IREB2: variants seen among roughly 807,000 people sequenced by gnomAD.
The protein encoded by IREB2 is iron responsive element binding protein 2.
Under a neutral mutation model 118.8 loss-of-function variants are expected in IREB2, and 39 were observed. That is an observed-to-expected ratio of 0.33 (90% CI 0.25 to 0.43). The LOEUF is 0.43. Among genes scored for constraint, IREB2 ranks in the 20% least tolerant of loss-of-function variants. IREB2 has a pLI of 1.00. For missense variants in IREB2, 900 were observed against 1,147.3 expected (o/e 0.78, Z 3.11); for synonymous variants, 372 against 392.2 (o/e 0.95, Z 0.61).
At chr15:78,497,467 G>A (rs2051857437) in intron 21 of IREB2, 156 bp downstream of exon 21, 1 of 621,754 alleles carries the variant, frequency 1.6e-6, no homozygotes. Context: ...ATCTAGCTAT[G>A]TTAATAGTTC....
intron 5 of IREB2, among the ~76,000 whole-genome samples, chr15:78,468,708 AGT>A (rs1225064651): frequency 2.0e-4 from 31 of 152,190 alleles, no homozygotes; most frequent in Admixed American, 2.0e-3. Context: ...AATTCTGTCT[AGT>A]TCTAAAATAT....
chr15:78,494,327 G>T, intron 20 of IREB2, 63 bp downstream of exon 20: 1 of 1,491,198 alleles, frequency 6.7e-7, no homozygotes, highest in East Asian at 2.3e-5. Context: ...CCTTTTGTCA[G>T]TAACATCCTG....
chr15:78,487,338 T>C (rs1228110305), intron 13 of IREB2, among the ~76,000 whole-genome samples: 1 of 152,230 alleles, frequency 6.6e-6, no homozygotes, highest in Admixed American at 6.5e-5. Flanking sequence ...GGAATTCTCT[T>C]GTACAGTGAT....
chr15:78,472,471 A>G (rs536516843), intron 7 of IREB2, among the ~76,000 whole-genome samples: 4 of 152,094 alleles, frequency 2.6e-5, no homozygotes, highest in Admixed American at 6.5e-5. Context: ...GGTTCAAGCA[A>G]TTCTTGTGCC....
In IREB2 at chr15:78,439,895, A is replaced by T. The variant is rs746333754; in HGVS notation, c.106+14A>T. On this transcript the variant is annotated intron_variant, in intron 2 of 21. Transcript: ENST00000258886. ...GCACCAAGTATGGTAATGTTGCTTTACATTTTCTTGGGTTTGTTTAGTCTC... is the reference window on the plus strand; with the variant it reads ...GCACCAAGTATGGTAATGTTGCTTTTCATTTTCTTGGGTTTGTTTAGTCTC... 9.3e-6 allele frequency: 14 copies of T among 1,509,794 alleles called. No homozygotes were observed. The highest frequency in any genetic ancestry group is 1.8e-5 in the Admixed American group (1 of 56,816). The allele number at this position is 1,509,794 out of a possible 1,614,324, so 93.5% of individuals were successfully genotyped here. A position where few individuals can be genotyped will look rare whatever the true frequency, so the allele number is the denominator to read the frequency against.
rs921000533 is a variant in IREB2, at chr15:78,499,568, C to T, written c.*1425C>T. The stretch of plus-strand genomic sequence containing the variant: ...GACCACTAAGAACTTTGCACATAAT[C>T]ATACAATCTTTTGAAAATATTTTGC... On this transcript the variant is annotated 3_prime_UTR_variant, in exon 22 of 22. Transcript: ENST00000258886. The T allele has an allele frequency of 6.6e-6, 1 of 152,182 alleles. No individual in the cohort carries two copies. Among genetic ancestry groups the T allele is most frequent in the African/African-American group, 2.4e-5 (1 of 41,428 alleles). The allele number at this position is 152,182 out of a possible 1,614,324, so 9.4% of individuals were successfully genotyped here.
Position 78,483,301 on chromosome 15 carries a change from T to C in IREB2, c.1297-17T>C. 1 of 1,162,448 alleles carries C rather than the reference T, an allele frequency of 8.6e-7. No homozygotes were observed. Among genetic ancestry groups the C allele is most frequent in the Non-Finnish European group, 1.3e-6 (1 of 773,842 alleles). 72.0% of individuals were successfully genotyped at this position (1,162,448 alleles called of 1,614,324 possible). A position where few individuals can be genotyped will look rare whatever the true frequency, so the allele number is the denominator to read the frequency against. On this transcript the variant is annotated splice_polypyrimidine_tract_variant and intron_variant, in intron 10 of 21. Coordinates refer to ENST00000258886, the MANE Select transcript of IREB2 (RefSeq NM_004136.4). The stretch of plus-strand genomic sequence containing the variant: ...ATTAATTCTAATTCCTTGTTCTTTC[T>C]CTTTCTCATTTCTTAGGTGATCCAG...
In IREB2 at chr15:78,474,835, C is replaced by T. The variant is rs2051438154; in HGVS notation, c.1024-1353C>T. The T allele has an allele frequency of 2.7e-5, 4 of 150,056 alleles. No individual in the cohort carries two copies. The South Asian group carries it at 8.4e-4, about 32-fold the overall frequency. The allele number at this position is 150,056 out of a possible 1,614,324, so 9.3% of individuals were successfully genotyped here. ...CTTTGGGAGGCCGAGGCGGGTGGAT[C>T]ATGAGGTCAGGAGATCGAGACCATC... is the stretch of plus-strand genomic sequence containing the variant. On this transcript the variant is annotated intron_variant, in intron 8 of 21. Transcript: ENST00000258886.
At chr15:78,442,347 CA>C (rs1369949174) in intron 2 of IREB2, among the ~76,000 whole-genome samples, 1 of 152,158 alleles carries the variant, frequency 6.6e-6, no homozygotes, top group African/African-American at 2.4e-5. Context: ...AACCTTAGAA[CA>C]AAAAATCCTT....
In IREB2 at chr15:78,438,266, G is replaced by C. The variant is rs935548540; in HGVS notation, c.-72G>C. 3.0e-5 allele frequency: 37 copies of C among 1,220,146 alleles called. No homozygotes were observed. The highest frequency in any genetic ancestry group is 4.3e-5 in the Non-Finnish European group (36 of 843,236). 75.6% of individuals were successfully genotyped at this position (1,220,146 alleles called of 1,614,324 possible). On this transcript the variant is annotated 5_prime_UTR_variant, in exon 1 of 22. Transcript: ENST00000258886. ...TGCCAGTCCGCCTGTCTTCCTCCCC[G>C]TCTTCCCTGCCCGGCCTCCCCCTTC...
Position 78,462,980 on chromosome 15 carries a change from C to T in IREB2, c.165C>T (p.Gly55=). 1 of 1,613,376 alleles carries T rather than the reference C, an allele frequency of 6.2e-7. No homozygotes were observed. Among genetic ancestry groups the T allele is most frequent in the Non-Finnish European group, 8.5e-7 (1 of 1,179,698 alleles). The stretch of plus-strand genomic sequence containing the variant: ...AAGCTGCTGTACGAAATTGTGATGG[C>T]TTTTTAATGAAGAAGGAAGATGTTA... ...LLEAAVRNCD[G]FLMKKEDVMN... Residue 55 remains glycine (G), a synonymous_variant, in exon 3 of 22, where the codon GGC becomes GGT. Transcript: ENST00000258886.
intron 11 of IREB2, among the ~76,000 whole-genome samples, chr15:78,484,283 C>T (rs773879448): frequency 6.6e-6 from 1 of 152,038 alleles, no homozygotes; most frequent in Non-Finnish European, 1.5e-5. Context: ...TAAACTTGTA[C>T]AAAAACAAAA....
chr15:78,470,201 G>A (rs1026093762), intron 5 of IREB2, among the ~76,000 whole-genome samples: 2 of 152,188 alleles, frequency 1.3e-5, no homozygotes, highest in African/African-American at 2.4e-5. Context: ...CATGCTTGTC[G>A]TTGAAGCTAC....
chr15:78,492,660 A>G (rs912462605), intron 18 of IREB2, among the ~76,000 whole-genome samples: 4 of 152,104 alleles, frequency 2.6e-5, no homozygotes, highest in Admixed American at 6.6e-5. Context: ...CGTGGGCTCA[A>G]GCACTCCTCC....
chr15:78,475,174 T>G (rs538539422), intron 8 of IREB2: 1 of 151,924 alleles, frequency 6.6e-6, no homozygotes, highest in Non-Finnish European at 1.5e-5. Flanking sequence ...CTGGCACTTA[T>G]AAAATGTTAG....
In IREB2 at chr15:78,466,318, C is replaced by T. The variant is rs932330860; in HGVS notation, c.458C>T (p.Ala153Val). 1 of 1,613,944 alleles carries T rather than the reference C, an allele frequency of 6.2e-7. No homozygotes were observed. The highest frequency in any genetic ancestry group is 1.3e-5 in the African/African-American group (1 of 75,020). Residue 153 changes from alanine (A) to valine (V), a missense_variant, in exon 5 of 22, where the codon GCA (alanine) becomes GTA (valine). Transcript: ENST00000258886. Reference sequence around the variant, plus strand: ...CCTGGAGGTGGTGACCTGCAGAAAGCAGGAAAGCTCTCTCCACTTAAAGTG... The same window carrying T: ...CCTGGAGGTGGTGACCTGCAGAAAGTAGGAAAGCTCTCTCCACTTAAAGTG... Reference protein sequence around the residue: ...PNPGGGDLQKAGKLSPLKVQP... With the variant: ...PNPGGGDLQKVGKLSPLKVQP...
chr15:78,467,706 A>G (rs2051307793), intron 5 of IREB2, among the ~76,000 whole-genome samples: 1 of 152,140 alleles, frequency 6.6e-6, no homozygotes, highest in Non-Finnish European at 1.5e-5. Flanking sequence ...AAAAAAAGTC[A>G]TACAGCTTTT....
At chr15:78,468,658 A>G (rs982885536) in intron 5 of IREB2, among the ~76,000 whole-genome samples, 1 of 152,106 alleles carries the variant, frequency 6.6e-6, no homozygotes, top group South Asian at 2.1e-4. Flanking sequence ...CTAAGTACCA[A>G]ATAATACGTT....
chr15:78,447,078 CAG>C (rs560727144), intron 2 of IREB2, among the ~76,000 whole-genome samples: 17 of 152,192 alleles, frequency 1.1e-4, no homozygotes, highest in African/African-American at 3.6e-4. Context: ...GTGGTCAGAT[CAG>C]ACTCTTTGTT....
Sources: allele counts gnomAD v4.1 joint callset (sites outside exome capture counted in the v4.1 genomes callset), GRCh38; gene constraint gnomAD v4.1.1; transcripts MANE v1.5; gene names NCBI Gene and HGNC (gene_info 2026-07-23, HGNC 2026-07-21).